APC: variants seen among roughly 807,000 people sequenced by gnomAD.
APC encodes the protein adenomatous polyposis coli protein.
A neutral mutation model predicts 247.0 loss-of-function variants in APC; 72 were observed. The observed-to-expected ratio is 0.29, with a 90% CI of 0.24 to 0.35. The LOEUF (loss-of-function observed/expected upper bound fraction) is 0.35. Among genes scored for constraint, APC ranks in the 10% least tolerant of loss-of-function variants. APC has a pLI of 1.00. For synonymous variants in APC, 1,254 were observed against 1,162.5 expected (o/e 1.08, Z -1.60); for missense variants, 3,400 against 3,360.7 (o/e 1.01, Z -0.29).
At chr5:112,757,224 G>A (rs1355999547) in intron 2 of APC, among the ~76,000 whole-genome samples, 1 of 151,838 alleles carries the variant, frequency 6.6e-6, no homozygotes, top group African/African-American at 2.4e-5. Flanking sequence ...CTCTTTTTAA[G>A]GTTTTATGCT....
intron 5 of APC, among the ~76,000 whole-genome samples, chr5:112,779,087 G>A (rs946326988): frequency 1.3e-5 from 2 of 152,150 alleles, no homozygotes; most frequent in African/African-American, 4.8e-5. Flanking sequence ...GGTTTTGAGA[G>A]AGAAAGGATC....
intron 14 of APC, chr5:112,829,354 C>T (rs73218152): frequency 0.018 from 3,895 of 218,776 alleles, 172 homozygotes; most frequent in African/African-American, 0.086. Context: ...AGGCTGGTCT[C>T]GAACTACTCC....
intron 14 of APC, among the ~76,000 whole-genome samples, chr5:112,830,424 A>T (rs1425813469): frequency 6.6e-6 from 1 of 152,214 alleles, no homozygotes; most frequent in Admixed American, 6.5e-5. Flanking sequence ...AAGGATGTTG[A>T]GCAGCTGGAA....
chr5:112,829,696 C>G (rs937889989), intron 14 of APC: 1 of 152,354 alleles, frequency 6.6e-6, no homozygotes, highest in African/African-American at 2.4e-5. Flanking sequence ...TTATGCCGAT[C>G]AAAATTGTCT....
At position 112,839,958 on chromosome 5, in the gene APC, A is replaced by G. The variant is rs751262428; in HGVS notation, c.4364A>G (p.Asn1455Ser). The G allele has an allele frequency of 5.6e-6, 9 of 1,614,148 alleles. No homozygotes were observed. Among genetic ancestry groups the G allele is most frequent in the Non-Finnish European group, 7.6e-6 (9 of 1,180,036 alleles). Reference protein sequence around the residue: ...TAQTKREVPKNKAPTAEKRES... With the variant: ...TAQTKREVPKSKAPTAEKRES... ...CAAACCAAGCGAGAAGTACCTAAAA[A>G]TAAAGCACCTACTGCTGAAAAGAGA... The change falls in exon 16 of 16, where the codon AAT (asparagine) becomes AGT (serine). Residue 1455 changes from asparagine to serine, a missense_variant. Asn to Ser is a conservative substitution (Grantham distance 46). Around this residue, in one of 9 missense-constraint regions of APC, gnomAD observed 1,788 missense variants for 1,649.5 expected, o/e 1.08. Transcript: ENST00000257430. The surrounding 1 kb of genome is among the most constrained non-coding windows in gnomAD (Gnocchi z 5.0).
intron 8 of APC, among the ~76,000 whole-genome samples, chr5:112,812,258 C>G (rs1404467561): frequency 6.6e-6 from 1 of 152,198 alleles, no homozygotes; most frequent in Non-Finnish European, 1.5e-5. Flanking sequence ...TACCTACAAA[C>G]AGTAAAAATA....
Position 112,707,578 on chromosome 5 carries a change from C to A in APC, c.-140C>A, listed in dbSNP as rs775297664. ...GGGGTGTGGCCGCCGGAAGCCTAGC[C>A]GCTGCTCGGGGGGGACCTGCGGGCT... On this transcript the variant is annotated 5_prime_UTR_variant, in exon 1 of 14. Transcript: ENST00000507379. The A allele has an allele frequency of 6.3e-5, 56 of 892,338 alleles. No individual in the cohort carries two copies. The highest frequency in any genetic ancestry group is 8.4e-5 in the Non-Finnish European group (53 of 630,222). 55.3% of individuals were successfully genotyped at this position (892,338 alleles called of 1,614,324 possible). A position where few individuals can be genotyped will look rare whatever the true frequency, so the allele number is the denominator to read the frequency against.
At chr5:112,733,707 C>G (rs1389284724), upstream of APC, among the ~76,000 whole-genome samples, 3 of 152,204 alleles carry the variant, frequency 2.0e-5, no homozygotes, top group East Asian at 1.9e-4. Flanking sequence ...TTTTAAGACA[C>G]TAAATTTGTG....
At chr5:112,756,516 A>G (rs1054812410) in intron 2 of APC, among the ~76,000 whole-genome samples, 1 of 152,250 alleles carries the variant, frequency 6.6e-6, no homozygotes, top group Non-Finnish European at 1.5e-5. Flanking sequence ...AAAAGTTTTA[A>G]AATACAGAAT....
chr5:112,739,272 T>G (rs1752700282), intron 1 of APC, among the ~76,000 whole-genome samples: 1 of 152,190 alleles, frequency 6.6e-6, no homozygotes, highest in Non-Finnish European at 1.5e-5. Context: ...AAAGCCTATC[T>G]TTATGCATAC....
intron 6 of APC, among the ~76,000 whole-genome samples, chr5:112,782,114 C>T (rs991106943): frequency 6.6e-6 from 1 of 152,190 alleles, no homozygotes; most frequent in East Asian, 1.9e-4. Context: ...CTTAACAGTT[C>T]TACGTGGCTG....
Position 112,842,282 on chromosome 5 carries a change from A to G in APC, c.6688A>G (p.Met2230Val), listed in dbSNP as rs751547785. Residue 2230 changes from methionine (M) to valine (V), a missense_variant, in exon 16 of 16, where the codon ATG becomes GTG. Physicochemically the swap from Met to Val is conservative, Grantham distance 21 (BLOSUM62 1). Transcript: ENST00000257430. ...GCCTTCAATCTCTCGAGGCAGGACA[A>G]TGATTCATATTCCAGGAGTTCGAAA... is the stretch of plus-strand genomic sequence containing the variant. ...NMPSISRGRT[M>V]IHIPGVRNSS... 6 of 1,614,034 alleles carry G rather than the reference A, an allele frequency of 3.7e-6. No individual in the cohort carries two copies. The highest frequency in any genetic ancestry group is 1.7e-5 in the Admixed American group (1 of 60,010).
Position 112,842,403 on chromosome 5 carries a change from C to G in APC, c.6809C>G (p.Ser2270Cys), listed in dbSNP as rs878853466. 1.9e-6 allele frequency: 3 copies of G among 1,614,028 alleles called. No individual in the cohort carries two copies. The highest frequency in any genetic ancestry group is 2.5e-6 in the Non-Finnish European group (3 of 1,179,914). ...SPSEGQTATT[S>C]PRGAKPSVKS... ...AGTGAAGGTCAAACAGCCACCACTT[C>G]TCCTAGAGGAGCCAAGCCATCTGTG... Residue 2270 changes from serine (S) to cysteine (C), a missense_variant, in exon 16 of 16, where the codon TCT (serine) becomes TGT (cysteine). By Grantham distance (112) the Ser-to-Cys change is moderately radical (BLOSUM62 -1). Coordinates refer to ENST00000257430, the MANE Select transcript of APC (RefSeq NM_000038.6).
chr5:112,806,942 G>A (rs1033130865), intron 8 of APC, among the ~76,000 whole-genome samples: 3 of 152,044 alleles, frequency 2.0e-5, no homozygotes, highest in African/African-American at 7.2e-5. Flanking sequence ...AGACCAGCCT[G>A]GCCAACATGG....
At chr5:112,744,942 A>G (rs1753471853) in intron 1 of APC, among the ~76,000 whole-genome samples, 1 of 152,118 alleles carries the variant, frequency 6.6e-6, no homozygotes, top group African/African-American at 2.4e-5. Context: ...TTGGAGTTCC[A>G]TTTTTCTTAA....
rs146920699 is a variant in APC, at chr5:112,755,146, C to A, written c.135+121C>A. The A allele has an allele frequency of 2.0e-4, 280 of 1,371,618 alleles. 1 individual carries two copies. The highest frequency in any genetic ancestry group is 2.6e-4 in the Non-Finnish European group (267 of 1,014,340). 85.0% of individuals were successfully genotyped at this position (1,371,618 alleles called of 1,614,324 possible). ...TTTAAATTAAGCAATAATATGTAAA[C>A]TCTTTCTTGCAAAAGTTAGCATTTA... On this transcript the variant is annotated intron_variant, in intron 2 of 15. Transcript: ENST00000257430.
At chr5:112,775,994 C>G (rs1272400183) in intron 5 of APC, among the ~76,000 whole-genome samples, 1 of 152,058 alleles carries the variant, frequency 6.6e-6, no homozygotes, top group East Asian at 1.9e-4. Context: ...TCTAGAGGAC[C>G]TCAGGGTTCA....
chr5:112,844,327 T>C lies in APC; in HGVS notation c.*201T>C. The C allele has an allele frequency of 1.7e-6, 1 of 586,890 alleles. No homozygotes were observed. 36.4% of individuals were successfully genotyped at this position (586,890 alleles called of 1,614,324 possible). On this transcript the variant is annotated 3_prime_UTR_variant, in exon 16 of 16. Transcript: ENST00000257430. ...TATTTTGGGAGGCACTCTTGATGGT[T>C]AGGAAAAAAATAGTAAAGCCAAGTA...
At chr5:112,719,384 A>ATT (rs903357963) in intron 1 of APC, among the ~76,000 whole-genome samples, 7 of 146,834 alleles carry the variant, frequency 4.8e-5, no homozygotes, top group Non-Finnish European at 9.1e-5. Context: ...CGCCCGGCTA[A>ATT]TTTTTTTTTT....
Sources: allele counts gnomAD v4.1 joint callset (sites outside exome capture counted in the v4.1 genomes callset), GRCh38; gene constraint gnomAD v4.1.1; regional missense constraint gnomAD v4.1.1; non-coding constraint Gnocchi (gnomAD v3.1); transcripts MANE v1.5; gene names NCBI Gene and HGNC (gene_info 2026-07-23, HGNC 2026-07-21).